HRK: variants seen among roughly 807,000 people sequenced by gnomAD.
The protein encoded by HRK is activator of apoptosis harakiri.
Under a neutral mutation model 5.9 loss-of-function variants are expected in HRK, and 6 were observed. The ratio of observed to expected loss-of-function variants is 1.02; its 90% CI spans 0.56 to 2.01. The LOEUF (loss-of-function observed/expected upper bound fraction) is 2.01, where lower values mean the gene tolerates loss of function less well. Ranked by LOEUF, HRK falls within the 30% of genes most tolerant of loss-of-function variation. The pLI, the probability that HRK is intolerant of heterozygous loss-of-function variation, is 0.00. For synonymous variants in HRK, 85 were observed against 65.1 expected, an observed-to-expected ratio of 1.31 and a Z score of -1.47; for missense variants, 133 against 128.3, an observed-to-expected ratio of 1.04 and a Z score of -0.18.
intron 1 of HRK, among the ~76,000 whole-genome samples, chr12:116,875,781 T>A (rs1878904249): frequency 6.6e-6 from 1 of 152,076 alleles, no homozygotes; most frequent in South Asian, 2.1e-4. Context: ...TGACCTCAAG[T>A]GATCCACCCG....
rs947384080 is a variant in HRK, at chr12:116,858,280, A to G, written c.*3243T>C. 9.9e-5 allele frequency: 15 copies of G among 152,014 alleles called. No individual in the cohort carries two copies. The highest frequency in any genetic ancestry group is 8.8e-5 in the Non-Finnish European group (6 of 68,026). The allele number at this position is 152,014 out of a possible 1,614,324, so 9.4% of individuals were successfully genotyped here. On this transcript the variant is annotated 3_prime_UTR_variant, in exon 2 of 2. Transcript: ENST00000257572. ...CCATTGGGGCCAATGGGCTCCCCAG[A>G]GAAACTTCCTACTCAAGCTACACCA...
intron 1 of HRK, among the ~76,000 whole-genome samples, chr12:116,865,006 T>C (rs563396383): frequency 6.6e-6 from 1 of 152,172 alleles, no homozygotes; most frequent in African/African-American, 2.4e-5. Flanking sequence ...AATGTCCCTG[T>C]TTCCATTTTT....
chr12:116,863,330 C>T (rs1004017009), intron 1 of HRK, among the ~76,000 whole-genome samples: 6 of 152,178 alleles, frequency 3.9e-5, no homozygotes, highest in East Asian at 1.9e-4. Context: ...CAGCTCCCCT[C>T]CCACTGGTCA....
intron 1 of HRK, among the ~76,000 whole-genome samples, chr12:116,877,275 T>C (rs562318764): frequency 6.6e-6 from 1 of 151,608 alleles, no homozygotes; most frequent in Non-Finnish European, 1.5e-5. Flanking sequence ...AGGCTGGTCT[T>C]GAACTCCTGG....
rs557181237 is a variant in HRK at position 116,860,061 on chromosome 12, C to T, written c.*1462G>A. 2 of 152,192 alleles carry T rather than the reference C, an allele frequency of 1.3e-5. No homozygotes were observed. The highest frequency in any genetic ancestry group is 2.9e-5 in the Non-Finnish European group (2 of 68,058). The allele number at this position is 152,192 out of a possible 1,614,324, so 9.4% of individuals were successfully genotyped here. ...TGCTGGACCCTCTGTCTATAGGTAC[C>T]GGGTGGTGACCTGCAAATCCAGCCT... On this transcript the variant is annotated 3_prime_UTR_variant, in exon 2 of 2. Coordinates refer to ENST00000257572, the MANE Select transcript of HRK (RefSeq NM_003806.4).
Position 116,881,369 on chromosome 12 carries a change from T to C in HRK, c.-62A>G. The C allele has an allele frequency of 9.8e-7, 1 of 1,022,466 alleles. No homozygotes were observed. 63.3% of individuals were successfully genotyped at this position (1,022,466 alleles called of 1,614,324 possible). A position where few individuals can be genotyped will look rare whatever the true frequency, so the allele number is the denominator to read the frequency against. ...CCCCTCGCCTCCTCTCCCTCCGGCC[T>C]CTGCGCCCGCTGCCGCCGCGCTCCA... On this transcript the variant is annotated 5_prime_UTR_variant, in exon 1 of 2. Coordinates refer to ENST00000257572, the MANE Select transcript of HRK (RefSeq NM_003806.4).
Position 116,860,785 on chromosome 12 carries a change from C to G in HRK, c.*738G>C, listed in dbSNP as rs911612484. On this transcript the variant is annotated 3_prime_UTR_variant, in exon 2 of 2. Coordinates refer to ENST00000257572, the MANE Select transcript of HRK (RefSeq NM_003806.4). ...TCCCCTGGCCTTCCAAGTCTGTCAA[C>G]AGAATACCACAGCAGCACCAGCAGG... 6.6e-6 allele frequency: 1 copy of G among 151,610 alleles called. No individual in the cohort carries two copies. The highest frequency in any genetic ancestry group is 2.4e-5 in the African/African-American group (1 of 41,238). The allele number at this position is 151,610 out of a possible 1,614,324, so 9.4% of individuals were successfully genotyped here.
At chr12:116,864,784 T>C (rs960926515) in intron 1 of HRK, among the ~76,000 whole-genome samples, 5 of 152,104 alleles carry the variant, frequency 3.3e-5, no homozygotes, top group East Asian at 1.9e-4. Flanking sequence ...ATATTTTATA[T>C]ATATAGGGTT....
chr12:116,880,282 G>A (rs1444257782), intron 1 of HRK, among the ~76,000 whole-genome samples: 3 of 152,232 alleles, frequency 2.0e-5, no homozygotes, highest in African/African-American at 7.2e-5. Flanking sequence ...CCTTCCCGTA[G>A]CAGCTACAAC....
chr12:116,869,010 G>A (rs1380262510), intron 1 of HRK, among the ~76,000 whole-genome samples: 1 of 148,992 alleles, frequency 6.7e-6, no homozygotes, highest in Non-Finnish European at 1.5e-5. Flanking sequence ...AAAACAGCCT[G>A]TTGTCTGGGC....
chr12:116,868,247 C>CACCTGGCTAAAAT (rs1258138738), intron 1 of HRK, among the ~76,000 whole-genome samples: 1 of 109,798 alleles, frequency 9.1e-6, no homozygotes, highest in Non-Finnish European at 1.9e-5. Context: ...CATGCCACCA[C>CACCTGGCTAAAAT]GCCTGGCTAA....
At chr12:116,867,980 G>A (rs995920717) in intron 1 of HRK, among the ~76,000 whole-genome samples, 1 of 152,182 alleles carries the variant, frequency 6.6e-6, no homozygotes, top group Non-Finnish European at 1.5e-5. Flanking sequence ...TGGGGACACT[G>A]TAGTGTTTTT....
At chr12:116,872,712 C>T (rs1878796602) in intron 1 of HRK, among the ~76,000 whole-genome samples, 1 of 151,966 alleles carries the variant, frequency 6.6e-6, no homozygotes, top group South Asian at 2.1e-4. Flanking sequence ...GAGGTTAAGG[C>T]TGCAGTGAGC....
intron 1 of HRK, among the ~76,000 whole-genome samples, chr12:116,877,014 A>G (rs1049871134): frequency 6.6e-6 from 1 of 152,210 alleles, no homozygotes; most frequent in African/African-American, 2.4e-5. Flanking sequence ...TGACCATTTC[A>G]TGACATCCTC....
intron 1 of HRK, among the ~76,000 whole-genome samples, chr12:116,874,321 A>G (rs1878859724): frequency 6.6e-6 from 1 of 152,046 alleles, no homozygotes; most frequent in Non-Finnish European, 1.5e-5. Context: ...TCTCTTCCCA[A>G]AACACCTTTC....
At chr12:116,864,274 A>C (rs1230897176) in intron 1 of HRK, among the ~76,000 whole-genome samples, 2 of 152,192 alleles carry the variant, frequency 1.3e-5, no homozygotes, top group African/African-American at 4.8e-5. Flanking sequence ...GGAAGGAGAG[A>C]CAGGAACACT....
Position 116,878,435 on chromosome 12 carries a change from T to G in HRK, c.*56+2541A>C, listed in dbSNP as rs1301728733. ...CAGACTGTCTTCCTCCGGTGATTTT[T>G]CTTTCCCCTTTACTTAACTTACCAG... On this transcript the variant is annotated intron_variant, in intron 1 of 1. Transcript: ENST00000257572. This position sits in a 1 kb window ranked among gnomAD's most constrained non-coding sequence, Gnocchi z 4.4. The G allele has an allele frequency of 6.6e-6, 1 of 152,304 alleles. No homozygotes were observed. The highest frequency in any genetic ancestry group is 1.5e-5 in the Non-Finnish European group (1 of 68,084). The allele number at this position is 152,304 out of a possible 1,614,324, so 9.4% of individuals were successfully genotyped here. A position where few individuals can be genotyped will look rare whatever the true frequency, so the allele number is the denominator to read the frequency against.
At position 116,860,580 on chromosome 12, in the gene HRK, T is replaced by C. The variant is rs1049182175; in HGVS notation, c.*943A>G. ...TGCATGAGGTCAGCTTTCTGCCTCA[T>C]AACCAGCAAGCCTCTCAATGCCATC... On this transcript the variant is annotated 3_prime_UTR_variant, in exon 2 of 2. Coordinates refer to ENST00000257572, the MANE Select transcript of HRK (RefSeq NM_003806.4). 3 of 152,084 alleles carry C rather than the reference T, an allele frequency of 2.0e-5. No individual in the cohort carries two copies. Among genetic ancestry groups the C allele is most frequent in the Non-Finnish European group, 4.4e-5 (3 of 68,052 alleles). 9.4% of individuals were successfully genotyped at this position (152,084 alleles called of 1,614,324 possible).
rs1475402330 is a variant in HRK, at chr12:116,876,117, C to T, written c.*56+4859G>A. 3.3e-5 allele frequency among the ~76,000 whole-genome samples: 5 copies of T among 152,176 alleles called. No individual in the cohort carries two copies. In the East Asian group the frequency reaches 9.7e-4, roughly 30 times the overall value. ...ACATCTGGGGGTATATTTAATTATC[C>T]CCGGGTGTGGCTCTTTTCCATCCAC... On this transcript the variant is annotated intron_variant, in intron 1 of 1. Transcript: ENST00000257572.
Sources: allele counts gnomAD v4.1 joint callset (sites outside exome capture counted in the v4.1 genomes callset), GRCh38; gene constraint gnomAD v4.1.1; non-coding constraint Gnocchi (gnomAD v3.1); transcripts MANE v1.5; gene names NCBI Gene and HGNC (gene_info 2026-07-23, HGNC 2026-07-21).